Variants in GLIS1 observed in about 807,000 individuals in gnomAD.
GLIS1 encodes the protein GLIS family zinc finger 1.
In GLIS1, 24 loss-of-function variants were observed where a neutral mutation model predicts 63.8. The ratio of observed to expected loss-of-function variants is 0.38; its 90% CI spans 0.27 to 0.53. The LOEUF (loss-of-function observed/expected upper bound fraction) is 0.53. Ranked by LOEUF, GLIS1 falls within the 20% of genes least tolerant of loss-of-function variation. The pLI, the probability that GLIS1 is intolerant of heterozygous loss-of-function variation, is 0.85. For missense variants in GLIS1, 1,036 were observed against 1,074.1 expected, an observed-to-expected ratio of 0.96 and a Z score of 0.50; for synonymous variants, 450 against 482.5, an observed-to-expected ratio of 0.93 and a Z score of 0.88.
intron 2 of GLIS1, among the ~76,000 whole-genome samples, chr1:53,692,619 T>G (rs919828884): frequency 6.6e-6 from 1 of 152,122 alleles, no homozygotes; most frequent in Admixed American, 6.5e-5. Context: ...TCAGCCACTG[T>G]GGGTGTAGCT....
At chr1:53,528,218 C>T (rs1250639611) in intron 5 of GLIS1, among the ~76,000 whole-genome samples, 2 of 152,224 alleles carry the variant, frequency 1.3e-5, no homozygotes, top group African/African-American at 4.8e-5. Context: ...GTCCGTAGCA[C>T]AGCCTGTGAC....
At chr1:53,600,754 G>C (rs1271914264) in intron 2 of GLIS1, among the ~76,000 whole-genome samples, 1 of 152,206 alleles carries the variant, frequency 6.6e-6, no homozygotes, top group Non-Finnish European at 1.5e-5. Flanking sequence ...ATGTCAAGGA[G>C]TACGTGCTCA....
At chr1:53,670,860 C>T (rs1415199306) in intron 2 of GLIS1, among the ~76,000 whole-genome samples, 2 of 152,200 alleles carry the variant, frequency 1.3e-5, no homozygotes, top group African/African-American at 4.8e-5. Context: ...ATGTTTATCA[C>T]GTTACTATTT....
At chr1:53,531,274 G>A (rs1207173521) in intron 4 of GLIS1, among the ~76,000 whole-genome samples, 2 of 152,202 alleles carry the variant, frequency 1.3e-5, no homozygotes, top group African/African-American at 4.8e-5. Context: ...AGGGCCCATG[G>A]GACCCTGCCC....
chr1:53,693,736 C>T (rs1006998171), intron 2 of GLIS1, among the ~76,000 whole-genome samples: 35 of 152,262 alleles, frequency 2.3e-4, no homozygotes, highest in African/African-American at 7.9e-4. Flanking sequence ...GCAGGAAGCC[C>T]GGGATGTCGA....
At chr1:53,547,586 G>C (rs796845375) in intron 4 of GLIS1, among the ~76,000 whole-genome samples, 1 of 152,206 alleles carries the variant, frequency 6.6e-6, no homozygotes, top group Non-Finnish European at 1.5e-5. Context: ...CCTCCAGAAC[G>C]TCACCAATGG....
chr1:53,696,708 A>G (rs1366731869), intron 2 of GLIS1, among the ~76,000 whole-genome samples: 2 of 151,550 alleles, frequency 1.3e-5, no homozygotes, highest in Non-Finnish European at 2.9e-5. Flanking sequence ...TGCTGTCCTC[A>G]TACGTGCTGT....
At chr1:53,683,815 G>T (rs532422414) in intron 2 of GLIS1, among the ~76,000 whole-genome samples, 1 of 152,264 alleles carries the variant, frequency 6.6e-6, no homozygotes, top group African/African-American at 2.4e-5. Context: ...CACTTGCTGG[G>T]GATGCTGCAG....
intron 2 of GLIS1, among the ~76,000 whole-genome samples, chr1:53,672,338 G>A (rs536143933): frequency 7.5e-4 from 114 of 152,306 alleles, no homozygotes; most frequent in African/African-American, 2.7e-3. Context: ...TCCTTTGTAC[G>A]AAATGGAACC....
At chr1:53,630,866 A>C (rs1054924961) in intron 2 of GLIS1, among the ~76,000 whole-genome samples, 1 of 152,236 alleles carries the variant, frequency 6.6e-6, no homozygotes, top group East Asian at 1.9e-4. Flanking sequence ...GCTAATGTGC[A>C]AGACTGAAAT....
intron 8 of GLIS1, among the ~76,000 whole-genome samples, chr1:53,513,824 T>C (rs977695312): frequency 2.0e-5 from 3 of 152,182 alleles, no homozygotes; most frequent in Non-Finnish European, 2.9e-5. Context: ...AATGTGGCGA[T>C]GAAGCCAGGC....
rs1645847249 is a variant in GLIS1 at position 53,646,642 on chromosome 1, T to C, written c.260-46364A>G. The stretch of plus-strand genomic sequence containing the variant: ...CTGGCCAACATGGTAAAACCCCGTC[T>C]TGACTAAAAATACAAAACTTAGCCA... On this transcript the variant is annotated intron_variant, in intron 2 of 10. Coordinates refer to ENST00000628545, the MANE Select transcript of GLIS1 (RefSeq NM_001367484.1). This position sits in a 1 kb window ranked among gnomAD's most constrained non-coding sequence, Gnocchi z 4.2. 6.6e-6 allele frequency among the ~76,000 whole-genome samples: 1 copy of C among 152,082 alleles called. No homozygotes were observed. The highest frequency in any genetic ancestry group is 1.5e-5 in the Non-Finnish European group (1 of 68,020).
At chr1:53,640,776 T>C (rs1449006514) in intron 2 of GLIS1, among the ~76,000 whole-genome samples, 1 of 152,150 alleles carries the variant, frequency 6.6e-6, no homozygotes, top group Non-Finnish European at 1.5e-5. Flanking sequence ...GGATACTACA[T>C]TAAGCCACTC....
chr1:53,587,129 T>G (rs1204350581), intron 4 of GLIS1, among the ~76,000 whole-genome samples: 1 of 152,062 alleles, frequency 6.6e-6, no homozygotes, highest in East Asian at 1.9e-4. Context: ...CCCAAAGGAT[T>G]TAAAGGACCT....
chr1:53,677,763 C>T (rs182183400), intron 2 of GLIS1, among the ~76,000 whole-genome samples: 110 of 152,266 alleles, frequency 7.2e-4, no homozygotes, highest in Non-Finnish European at 2.2e-4. Flanking sequence ...CTCCTCACCT[C>T]TCCCTGCTTC....
chr1:53,622,427 C>CAAAAAAAAAAAAAA (rs60923620), intron 2 of GLIS1, among the ~76,000 whole-genome samples: 21 of 132,294 alleles, frequency 1.6e-4, no homozygotes, highest in Non-Finnish European at 2.2e-4. Flanking sequence ...GACTATGTCT[C>CAAAAAAAAAAAAAA]AAAAAAAAAA....
At chr1:53,547,509 C>T (rs1458965996) in intron 4 of GLIS1, among the ~76,000 whole-genome samples, 1 of 152,220 alleles carries the variant, frequency 6.6e-6, no homozygotes, top group Non-Finnish European at 1.5e-5. Flanking sequence ...TGGAAGGTGT[C>T]ACTTACCTCC....
intron 2 of GLIS1, among the ~76,000 whole-genome samples, chr1:53,678,258 C>T (rs1646236081): frequency 6.6e-6 from 1 of 150,620 alleles, no homozygotes; most frequent in Non-Finnish European, 1.5e-5. Flanking sequence ...CAGAGGGCCC[C>T]CTTGCACGAA....
chr1:53,634,524 C>A (rs549848876), intron 2 of GLIS1, among the ~76,000 whole-genome samples: 131 of 152,182 alleles, frequency 8.6e-4, no homozygotes, highest in African/African-American at 2.9e-3. Flanking sequence ...ACAAGACAGA[C>A]AAAATGAGGC....
Sources: gnomAD v4.1 joint callset for allele counts (sites outside exome capture counted in the v4.1 genomes callset) on GRCh38, gnomAD v4.1.1 for gene constraint, Gnocchi (gnomAD v3.1) non-coding constraint, MANE v1.5 for transcripts, NCBI Gene and HGNC (gene_info 2026-07-23, HGNC 2026-07-21) for gene names.